Variants in SNX3 observed in about 807,000 individuals in gnomAD.
SNX3 encodes the protein sorting nexin 3.
SNX3 carries 5 observed loss-of-function variants against 17.7 expected under a neutral mutation model. That is an observed-to-expected ratio of 0.28 (90% CI 0.15 to 0.59). SNX3 has a LOEUF of 0.59. Among genes scored for constraint, SNX3 ranks in the 20% least tolerant of loss-of-function variants. The probability of loss-of-function intolerance (pLI) is 0.88; values close to 1 mark genes in which losing one functional copy is unlikely to be tolerated. For synonymous variants in SNX3, 91 were observed against 76.5 expected, an observed-to-expected ratio of 1.19 and a Z score of -0.99; for missense variants, 132 against 206.8, an observed-to-expected ratio of 0.64 and a Z score of 2.22.
chr6:108,234,577 T>C (rs1386810843), intron 1 of SNX3, among the ~76,000 whole-genome samples: 1 of 152,076 alleles, frequency 6.6e-6, no homozygotes, highest in African/African-American at 2.4e-5. Flanking sequence ...ACAAAACATA[T>C]ACATGTGAAT....
chr6:108,242,660 T>C (rs982067100), intron 1 of SNX3, among the ~76,000 whole-genome samples: 10 of 152,222 alleles, frequency 6.6e-5, no homozygotes, highest in Admixed American at 6.5e-5. Flanking sequence ...GCAATGGATG[T>C]CACTTCCATA....
intron 1 of SNX3, among the ~76,000 whole-genome samples, chr6:108,237,718 G>A (rs1388405792): frequency 2.0e-5 from 3 of 151,984 alleles, no homozygotes; most frequent in Non-Finnish European, 2.9e-5. Flanking sequence ...GAACCAGGGA[G>A]GCGGAGATTG....
At chr6:108,256,403 T>C (rs1226949213) in intron 1 of SNX3, among the ~76,000 whole-genome samples, 1 of 152,232 alleles carries the variant, frequency 6.6e-6, no homozygotes, top group Non-Finnish European at 1.5e-5. Context: ...AAAATGTAGT[T>C]GATCACTGAC....
At chr6:108,256,533 C>T (rs1009194235) in intron 1 of SNX3, among the ~76,000 whole-genome samples, 1 of 152,176 alleles carries the variant, frequency 6.6e-6, no homozygotes, top group African/African-American at 2.4e-5. Context: ...GAGGTAGGTA[C>T]TATTATTAGC....
intron 2 of SNX3, among the ~76,000 whole-genome samples, chr6:108,215,639 G>A (rs1229444972): frequency 3.9e-5 from 6 of 152,010 alleles, no homozygotes; most frequent in Non-Finnish European, 8.8e-5. Context: ...GGAATTATCT[G>A]GAGCTCAAAT....
chr6:108,216,877 G>A (rs1037586534), intron 2 of SNX3, among the ~76,000 whole-genome samples: 3 of 152,154 alleles, frequency 2.0e-5, no homozygotes, highest in Non-Finnish European at 4.4e-5. Context: ...GACCAATGAT[G>A]AAGATATCTA....
chr6:108,258,360 A>T (rs1380777883), intron 1 of SNX3, among the ~76,000 whole-genome samples: 1 of 151,206 alleles, frequency 6.6e-6, no homozygotes, highest in Non-Finnish European at 1.5e-5. Flanking sequence ...CAGGAGGCTG[A>T]GGCAGGAGAA....
At chr6:108,259,700 C>T (rs1175202584) in intron 1 of SNX3, among the ~76,000 whole-genome samples, 1 of 152,154 alleles carries the variant, frequency 6.6e-6, no homozygotes, top group East Asian at 1.9e-4. Flanking sequence ...TACTACTGAG[C>T]TGTATGTACA....
At chr6:108,223,238 A>T (rs1043521960) in intron 1 of SNX3, among the ~76,000 whole-genome samples, 193 bp from the exon 2 acceptor site, 6 of 152,176 alleles carry the variant, frequency 3.9e-5, no homozygotes, top group African/African-American at 1.4e-4. Flanking sequence ...TCCCAGGTTC[A>T]AATGATTTTT....
chr6:108,255,553 C>CGTT (rs1191046849), intron 1 of SNX3, among the ~76,000 whole-genome samples: 1 of 152,084 alleles, frequency 6.6e-6, no homozygotes, highest in East Asian at 1.9e-4. Flanking sequence ...GGTCTCACTG[C>CGTT]GTTGCCCAGG....
intron 1 of SNX3, among the ~76,000 whole-genome samples, chr6:108,237,028 T>C (rs562407208): frequency 6.6e-6 from 1 of 152,232 alleles, no homozygotes; most frequent in Non-Finnish European, 1.5e-5. Flanking sequence ...AATCTTTTTA[T>C]TAGAAATGGA....
At chr6:108,252,203 T>C (rs996677640) in intron 1 of SNX3, 1 of 152,032 alleles carries the variant, frequency 6.6e-6, no homozygotes, top group African/African-American at 2.4e-5. Context: ...AAGGAAGGGA[T>C]GGCAGGCACC....
At chr6:108,216,920 C>T (rs1774602611) in intron 2 of SNX3, among the ~76,000 whole-genome samples, 1 of 152,198 alleles carries the variant, frequency 6.6e-6, no homozygotes, top group Admixed American at 6.5e-5. Flanking sequence ...TGCTAGCATT[C>T]TCAGATCTCA....
chr6:108,238,340 A>G (rs1180273190), intron 1 of SNX3, among the ~76,000 whole-genome samples: 2 of 152,190 alleles, frequency 1.3e-5, no homozygotes, highest in Admixed American at 1.3e-4. Context: ...TTTCTGTAAG[A>G]GAGTACATAA....
chr6:108,212,551 T>G (rs559342093), intron 3 of SNX3, among the ~76,000 whole-genome samples: 1 of 152,140 alleles, frequency 6.6e-6, no homozygotes, highest in South Asian at 2.1e-4. Flanking sequence ...TTGGCCAGGC[T>G]AGTCTCAAAT....
intron 1 of SNX3, among the ~76,000 whole-genome samples, chr6:108,250,006 G>C (rs1240662921): frequency 2.0e-5 from 3 of 152,092 alleles, no homozygotes. Context: ...CGCCCCCAGG[G>C]TTCAAGTGAT....
intron 1 of SNX3, among the ~76,000 whole-genome samples, chr6:108,250,065 C>T (rs577910111): frequency 5.3e-5 from 8 of 152,182 alleles, no homozygotes; most frequent in African/African-American, 1.9e-4. Context: ...GGCACGCCAC[C>T]ACAGCTGGCT....
At chr6:108,220,144 G>A (rs1006175931) in intron 2 of SNX3, among the ~76,000 whole-genome samples, 1 of 152,036 alleles carries the variant, frequency 6.6e-6, no homozygotes, top group Admixed American at 6.6e-5. Context: ...AGTTTAAAAA[G>A]TAAGCTAAGG....
At chr6:108,256,150 G>T (rs1235048014) in intron 1 of SNX3, among the ~76,000 whole-genome samples, 2 of 152,154 alleles carry the variant, frequency 1.3e-5, no homozygotes, top group Admixed American at 1.3e-4. Flanking sequence ...AGGATCACTT[G>T]AGCCTGGGAG....
Sources: gnomAD v4.1 joint callset for allele counts (sites outside exome capture counted in the v4.1 genomes callset) on GRCh38, gnomAD v4.1.1 for gene constraint, MANE v1.5 for transcripts, NCBI Gene and HGNC (gene_info 2026-07-23, HGNC 2026-07-21) for gene names.